CDS2: variants seen among roughly 807,000 people sequenced by gnomAD.
CDS2 encodes CDP-diacylglycerol synthase 2.
CDS2 carries 47 observed loss-of-function variants against 59.0 expected under a neutral mutation model. The observed-to-expected ratio is 0.80, with a 90% CI of 0.63 to 1.02. The LOEUF is 1.02. Among genes scored for constraint, CDS2 ranks in the 50% least tolerant of loss-of-function variants. The probability of loss-of-function intolerance (pLI) is 0.00; values close to 1 mark genes in which losing one functional copy is unlikely to be tolerated. For missense variants in CDS2, 356 were observed against 558.9 expected, an observed-to-expected ratio of 0.64 and a Z score of 3.66; for synonymous variants, 207 against 206.4, an observed-to-expected ratio of 1.00 and a Z score of -0.02.
intron 1 of CDS2, among the ~76,000 whole-genome samples, chr20:5,171,874 C>T (rs1489349762): frequency 6.6e-6 from 1 of 152,214 alleles, no homozygotes; most frequent in Non-Finnish European, 1.5e-5. Flanking sequence ...CTGTGGCTCT[C>T]TCCCTTGGAT....
At chr20:5,155,979 T>C (rs2090830777) in intron 1 of CDS2, among the ~76,000 whole-genome samples, 1 of 152,142 alleles carries the variant, frequency 6.6e-6, no homozygotes, top group African/African-American at 2.4e-5. Context: ...TAGGATGGAT[T>C]GTGGAGGACC....
At chr20:5,145,245 C>CCG (rs1555780924) in intron 1 of CDS2, among the ~76,000 whole-genome samples, 2 of 115,980 alleles carry the variant, frequency 1.7e-5, no homozygotes, top group East Asian at 6.3e-4. Flanking sequence ...GACCCCCCCC[C>CCG]CCGCCCCCGC....
intron 1 of CDS2, among the ~76,000 whole-genome samples, chr20:5,130,888 G>A (rs1232904707): frequency 4.0e-5 from 6 of 151,476 alleles, no homozygotes; most frequent in African/African-American, 1.5e-4. Flanking sequence ...TTAGGAGATC[G>A]AGACCATCCT....
intron 1 of CDS2, among the ~76,000 whole-genome samples, chr20:5,144,697 G>A (rs8119283): frequency 0.012 from 1,871 of 152,230 alleles, 48 homozygotes; most frequent in African/African-American, 0.041. Flanking sequence ...GAGACAAAAT[G>A]TACATTTTTT....
At chr20:5,140,788 A>G (rs935364332) in intron 1 of CDS2, among the ~76,000 whole-genome samples, 3 of 152,214 alleles carry the variant, frequency 2.0e-5, no homozygotes, top group African/African-American at 7.2e-5. Context: ...ACCAAATACT[A>G]TGTACCTCCT....
chr20:5,136,688 C>A (rs1317032435), intron 1 of CDS2, among the ~76,000 whole-genome samples: 5 of 152,044 alleles, frequency 3.3e-5, no homozygotes, highest in Non-Finnish European at 2.9e-5. Flanking sequence ...TCTGAAACTG[C>A]CCTAATAATT....
At chr20:5,164,679 C>G (rs2090900770) in intron 1 of CDS2, among the ~76,000 whole-genome samples, 1 of 151,430 alleles carries the variant, frequency 6.6e-6, no homozygotes, top group Non-Finnish European at 1.5e-5. Context: ...AACTCATTTT[C>G]CCTTAAATAC....
At chr20:5,161,803 C>T (rs1353986867) in intron 1 of CDS2, among the ~76,000 whole-genome samples, 1 of 152,152 alleles carries the variant, frequency 6.6e-6, no homozygotes, top group Non-Finnish European at 1.5e-5. Flanking sequence ...TTCATTTTAT[C>T]GTCTTGCTCT....
At chr20:5,176,453 C>A in intron 3 of CDS2, 195 bp from the exon 4 acceptor site, 1 of 554,118 alleles carries the variant, frequency 1.8e-6, no homozygotes, top group Non-Finnish European at 3.2e-6. Flanking sequence ...AAAATTGGAT[C>A]TACTCCCTGT....
At chr20:5,134,826 C>T (rs2090635725) in intron 1 of CDS2, among the ~76,000 whole-genome samples, 1 of 152,072 alleles carries the variant, frequency 6.6e-6, no homozygotes, top group Non-Finnish European at 1.5e-5. Context: ...CAGCCGACTG[C>T]ATATTTAAAT....
At chr20:5,133,897 G>T (rs1309388063) in intron 1 of CDS2, among the ~76,000 whole-genome samples, 1 of 152,006 alleles carries the variant, frequency 6.6e-6, no homozygotes, top group African/African-American at 2.4e-5. Flanking sequence ...GACTTTAAAA[G>T]CTTCTTTATT....
chr20:5,133,859 T>C (rs7264821), intron 1 of CDS2, among the ~76,000 whole-genome samples: 26,815 of 152,186 alleles, frequency 0.18, 3,670 homozygotes, highest in African/African-American at 0.38. Flanking sequence ...TGTTGTTTTT[T>C]ATTTTTTTCT....
intron 1 of CDS2, 69 bp from the exon 2 acceptor site, chr20:5,173,454 A>G: frequency 6.4e-7 from 1 of 1,556,804 alleles, no homozygotes; most frequent in Non-Finnish European, 8.8e-7. Flanking sequence ...CTCTCATGAC[A>G]GGCATAGACT....
Position 5,190,339 on chromosome 20 carries a change from G to A in CDS2, c.*105G>A. On this transcript the variant is annotated 3_prime_UTR_variant, in exon 13 of 13. Coordinates refer to ENST00000460006, the MANE Select transcript of CDS2 (RefSeq NM_003818.4). ...GACAATGACGAGGCTTCAACTCACT[G>A]TCTTTTTTTTTTTTTTTTGGAGGGT... is the stretch of plus-strand genomic sequence containing the variant. 2 of 869,248 alleles carry A rather than the reference G, an allele frequency of 2.3e-6. No homozygotes were observed. The highest frequency in any genetic ancestry group is 1.6e-6 in the Non-Finnish European group (1 of 617,344). The allele number at this position is 869,248 out of a possible 1,614,324, so 53.8% of individuals were successfully genotyped here.
In CDS2 at chr20:5,189,199, T is replaced by C; in HGVS notation, c.1101+13T>C. ...CTTTAAAATCAAAGTAGGAAAACCG[T>C]CTTACGTTCCTCTCATCTCACTCCC... On this transcript the variant is annotated intron_variant, in intron 11 of 12. Transcript: ENST00000460006. The C allele has an allele frequency of 1.9e-6, 3 of 1,613,924 alleles. No individual in the cohort carries two copies. Among genetic ancestry groups the C allele is most frequent in the Non-Finnish European group, 2.5e-6 (3 of 1,179,888 alleles).
intron 1 of CDS2, among the ~76,000 whole-genome samples, chr20:5,136,730 T>C (rs1177673396): frequency 9.2e-5 from 14 of 152,198 alleles, no homozygotes; most frequent in Admixed American, 9.2e-4. Flanking sequence ...GATAGAATTC[T>C]GGCTCTTTTT....
intron 9 of CDS2, 106 bp from the exon 10 acceptor site, chr20:5,186,581 G>A: frequency 9.7e-7 from 1 of 1,025,864 alleles, no homozygotes; most frequent in Non-Finnish European, 1.5e-6. Flanking sequence ...CTCGCAGTTA[G>A]CAGGGTACTA....
intron 6 of CDS2, among the ~76,000 whole-genome samples, 172 bp downstream of exon 6, chr20:5,182,617 G>A (rs2295509): frequency 0.16 from 24,510 of 152,154 alleles, 2,383 homozygotes; most frequent in African/African-American, 0.26. Context: ...ATGGCTCTAC[G>A]TTGACTTAGA....
chr20:5,146,288 G>A (rs750805248), intron 1 of CDS2, among the ~76,000 whole-genome samples: 8 of 152,208 alleles, frequency 5.3e-5, no homozygotes, highest in Non-Finnish European at 1.2e-4. Flanking sequence ...ATTAAGATAG[G>A]CAGGTGCTGA....
Sources: gnomAD v4.1 joint callset for allele counts (sites outside exome capture counted in the v4.1 genomes callset) on GRCh38, gnomAD v4.1.1 for gene constraint, MANE v1.5 for transcripts, NCBI Gene and HGNC (gene_info 2026-07-23, HGNC 2026-07-21) for gene names.